The following SETDB2 variants were observed in gnomAD, a reference collection of about 807,000 sequenced individuals.
The protein encoded by SETDB2 is histone-lysine N-methyltransferase SETDB2.
A neutral mutation model predicts 82.5 loss-of-function variants in SETDB2; 56 were observed. The observed-to-expected ratio is 0.68, with a 90% CI of 0.55 to 0.85. SETDB2 has a LOEUF of 0.85. Among genes scored for constraint, SETDB2 ranks in the 40% least tolerant of loss-of-function variants. The probability of loss-of-function intolerance (pLI) is 0.00; values close to 1 mark genes in which losing one functional copy is unlikely to be tolerated. For synonymous variants in SETDB2, 272 were observed against 284.9 expected (o/e 0.95, Z 0.46); for missense variants, 677 against 816.4 (o/e 0.83, Z 2.08).
chr13:49,488,391 A>G lies in SETDB2; in HGVS notation c.1678A>G (p.Ser560Gly). 6.2e-7 allele frequency: 1 copy of G among 1,613,932 alleles called. No homozygotes were observed. The highest frequency in any genetic ancestry group is 2.2e-5 in the East Asian group (1 of 44,870). The change falls in exon 12 of 14, where the codon AGC becomes GGC. Residue 560 changes from serine to glycine, a missense_variant. By Grantham distance (56) the Ser-to-Gly change is moderately conservative. Transcript: ENST00000611815. ...ATATAGAGAAGAAACTCCACCAAGG[A>G]GCAGATGTAACCAGGCGACCACATT... is the stretch of plus-strand genomic sequence containing the variant. Reference protein sequence around the residue: ...TKYREETPPRSRCNQATTLDN... With the variant: ...TKYREETPPRGRCNQATTLDN...
chr13:49,453,643 A>AT (rs988424215), intron 2 of SETDB2, among the ~76,000 whole-genome samples: 3 of 151,924 alleles, frequency 2.0e-5, no homozygotes, highest in Non-Finnish European at 2.9e-5. Flanking sequence ...CAGTGTAGGT[A>AT]TTTTTTATTT....
At chr13:49,487,974 T>G (rs967164) in intron 11 of SETDB2, among the ~76,000 whole-genome samples, 1 of 151,984 alleles carries the variant, frequency 6.6e-6, no homozygotes, top group African/African-American at 2.4e-5. Context: ...CAGTTTATTA[T>G]GAGTAGAGAT....
At chr13:49,490,963 C>T in intron 13 of SETDB2, 53 bp downstream of exon 13, 3 of 1,429,726 alleles carry the variant, frequency 2.1e-6, no homozygotes, top group South Asian at 1.2e-5. Context: ...TTAAAAATAA[C>T]AATAGAGGGC....
intron 4 of SETDB2, among the ~76,000 whole-genome samples, chr13:49,464,929 G>A (rs948570576): frequency 1.3e-5 from 2 of 151,968 alleles, no homozygotes; most frequent in Admixed American, 1.3e-4. Context: ...AGTTGGCTGT[G>A]GTGGTGTGTG....
At chr13:49,477,783 A>G (rs1267309955) in intron 6 of SETDB2, among the ~76,000 whole-genome samples, 1 of 152,208 alleles carries the variant, frequency 6.6e-6, no homozygotes, top group Non-Finnish European at 1.5e-5. Context: ...TAGAGACAGG[A>G]TTTGAACCCA....
intron 11 of SETDB2, among the ~76,000 whole-genome samples, chr13:49,486,520 G>A (rs1958601059): frequency 6.6e-6 from 1 of 152,132 alleles, no homozygotes; most frequent in Admixed American, 6.5e-5. Flanking sequence ...AGAGGGGTGG[G>A]CTGGAAAACT....
intron 10 of SETDB2, 26 bp downstream of exon 10, chr13:49,483,589 A>G (rs759957261): frequency 4.0e-6 from 3 of 743,628 alleles, no homozygotes; most frequent in African/African-American, 1.9e-5. Flanking sequence ...TGTAGTTGGG[A>G]CCCTTCTTTT....
In SETDB2 at chr13:49,494,061, A is replaced by G. The variant is rs1392595902; in HGVS notation, c.*2212A>G. On this transcript the variant is annotated 3_prime_UTR_variant, in exon 14 of 14. Transcript: ENST00000611815. ...CCAGAATTTGATCTCTAATTTTCCT[A>G]TCTTTTCTCTTAACTTTCAGCTCTG... 2.6e-5 allele frequency: 4 copies of G among 152,014 alleles called. No homozygotes were observed. The highest frequency in any genetic ancestry group is 9.7e-5 in the African/African-American group (4 of 41,348). 9.4% of individuals were successfully genotyped at this position (152,014 alleles called of 1,614,324 possible). A position where few individuals can be genotyped will look rare whatever the true frequency, so the allele number is the denominator to read the frequency against.
chr13:49,446,514 A>G (rs1329587080), intron 1 of SETDB2: 2 of 371,098 alleles, frequency 5.4e-6, no homozygotes, highest in African/African-American at 4.3e-5. Context: ...ATATAGGTGA[A>G]TATATACATT....
At chr13:49,476,029 G>A (rs1958351844) in intron 5 of SETDB2, among the ~76,000 whole-genome samples, 1 of 152,138 alleles carries the variant, frequency 6.6e-6, no homozygotes, top group African/African-American at 2.4e-5. Flanking sequence ...ACCTTCTTCA[G>A]TGCTTTATTG....
Position 49,467,870 on chromosome 13 carries a change from T to TTGGTG in SETDB2, c.215_216insTGGTG (p.Met72IlefsTer5). The TTGGTG allele has an allele frequency of 6.3e-7, 1 of 1,588,590 alleles. No homozygotes were observed. The highest frequency in any genetic ancestry group is 8.6e-7 in the Non-Finnish European group (1 of 1,168,942). ...ACATTATTTTTTTGTGTAGATCCTA[T>TTGGTG]GCCTGTGACTCAGAAGGAACAGGAA... On this transcript the variant is annotated frameshift_variant, in exon 5 of 14. Transcript: ENST00000611815. LOFTEE classifies it high-confidence loss of function.
rs188605050 is a variant in SETDB2 at position 49,493,397 on chromosome 13, T to G, written c.*1548T>G. 6.6e-6 allele frequency: 1 copy of G among 152,220 alleles called. No individual in the cohort carries two copies. Among genetic ancestry groups the G allele is most frequent in the East Asian group, 1.9e-4 (1 of 5,200 alleles). The allele number at this position is 152,220 out of a possible 1,614,324, so 9.4% of individuals were successfully genotyped here. A position where few individuals can be genotyped will look rare whatever the true frequency, so the allele number is the denominator to read the frequency against. On this transcript the variant is annotated 3_prime_UTR_variant, in exon 14 of 14. Transcript: ENST00000611815. ...GGAGTCCATTTGACCTTTAGAAATATGAGGTATTCTGTCAGTTTTATCTTC... is the reference window on the plus strand; with the variant it reads ...GGAGTCCATTTGACCTTTAGAAATAGGAGGTATTCTGTCAGTTTTATCTTC...
chr13:49,493,520 A>G lies in SETDB2; in HGVS notation c.*1671A>G, dbSNP rs1018438455. 1 of 152,160 alleles carries G rather than the reference A, an allele frequency of 6.6e-6. No homozygotes were observed. The highest frequency in any genetic ancestry group is 2.4e-5 in the African/African-American group (1 of 41,428). The allele number at this position is 152,160 out of a possible 1,614,324, so 9.4% of individuals were successfully genotyped here. On this transcript the variant is annotated 3_prime_UTR_variant, in exon 14 of 14. Coordinates refer to ENST00000611815, the MANE Select transcript of SETDB2 (RefSeq NM_001160308.3). Reference sequence around the variant, plus strand: ...ACCCCAGAGATTCACTTTGTCTCTTATGTGGGATCTGTTTCCAGTTAGATG... The same window carrying G: ...ACCCCAGAGATTCACTTTGTCTCTTGTGTGGGATCTGTTTCCAGTTAGATG...
At chr13:49,453,873 T>TAA (rs1272148401) in intron 2 of SETDB2, among the ~76,000 whole-genome samples, 1 of 151,542 alleles carries the variant, frequency 6.6e-6, no homozygotes, top group Non-Finnish European at 1.5e-5. Context: ...CAATGAAGTA[T>TAA]ATATATATAT....
intron 1 of SETDB2, chr13:49,446,292 G>A (rs760182283): frequency 9.2e-6 from 4 of 434,082 alleles, no homozygotes; most frequent in South Asian, 6.6e-5. Flanking sequence ...TTTTTCTTGC[G>A]TGTCAAGGTT....
At chr13:49,483,717 C>A (rs920934883) in intron 10 of SETDB2, among the ~76,000 whole-genome samples, 154 bp downstream of exon 10, 42 of 140,104 alleles carry the variant, frequency 3.0e-4, no homozygotes, top group African/African-American at 1.1e-3. Flanking sequence ...CAGCCACAAT[C>A]TCCTGGGCTC....
rs1389963839 is a variant in SETDB2 at position 49,483,481 on chromosome 13, ATAT to A, written c.1402_1404del (p.Ile468del). 2 of 1,398,236 alleles carry A rather than the reference ATAT, an allele frequency of 1.4e-6. No individual in the cohort carries two copies. The highest frequency in any genetic ancestry group is 1.9e-6 in the Non-Finnish European group (2 of 1,031,282). The allele number at this position is 1,398,236 out of a possible 1,614,324, so 86.6% of individuals were successfully genotyped here. A position where few individuals can be genotyped will look rare whatever the true frequency, so the allele number is the denominator to read the frequency against. The stretch of plus-strand genomic sequence containing the variant: ...CTTTTTAGGGAAACGAAATATGATA[ATAT>A]TTCAAGAATTCAATATCATTCAGTT... On this transcript the variant is annotated inframe_deletion, in exon 10 of 14. Coordinates refer to ENST00000611815, the MANE Select transcript of SETDB2 (RefSeq NM_001160308.3).
Position 49,480,976 on chromosome 13 carries a change from G to A in SETDB2, c.1016G>A (p.Cys339Tyr). 1 of 1,614,120 alleles carries A rather than the reference G, an allele frequency of 6.2e-7. No individual in the cohort carries two copies. Among genetic ancestry groups the A allele is most frequent in the Non-Finnish European group, 8.5e-7 (1 of 1,179,978 alleles). ...GIYECSLLCKCNRQLCQNRVV... is the reference protein window; with the variant it reads ...GIYECSLLCKYNRQLCQNRVV... ...TATGAATGCAGCCTTTTGTGCAAAT[G>A]TAATCGACAATTGTGTCAAAACCGA... The change falls in exon 8 of 14, where the codon TGT becomes TAT. Residue 339 changes from cysteine (C) to tyrosine (Y), a missense_variant. Physicochemically the swap from Cys to Tyr is radical, Grantham distance 194 (BLOSUM62 -2). Transcript: ENST00000611815.
chr13:49,474,275 AG>A (rs1338079685), intron 5 of SETDB2, among the ~76,000 whole-genome samples: 1 of 152,118 alleles, frequency 6.6e-6, no homozygotes. Context: ...CAAAAAAAAA[AG>A]ATTTCTAAAT....
Sources: gnomAD v4.1 joint callset for allele counts (sites outside exome capture counted in the v4.1 genomes callset) on GRCh38, gnomAD v4.1.1 for gene constraint, MANE v1.5 for transcripts, NCBI Gene and HGNC (gene_info 2026-07-23, HGNC 2026-07-21) for gene names.